Variants in KLF12 observed in about 807,000 individuals in gnomAD.
KLF12 encodes the protein KLF transcription factor 12.
In KLF12, 9 loss-of-function variants were observed where a neutral mutation model predicts 37.8. The observed-to-expected ratio is 0.24, with a 90% confidence interval of 0.14 to 0.42. The LOEUF is 0.42. KLF12 is among the 10% of genes least tolerant of loss of function. The pLI is 1.00. For synonymous variants in KLF12, 208 were observed against 202.1 expected (o/e 1.03, Z -0.25); for missense variants, 411 against 516.0 (o/e 0.80, Z 1.97).
intron 3 of KLF12, among the ~76,000 whole-genome samples, chr13:73,891,524 T>C (rs1887506407): frequency 6.6e-6 from 1 of 152,062 alleles, no homozygotes; most frequent in African/African-American, 2.4e-5. Flanking sequence ...GGTCCAGAAA[T>C]ACAGTTTTCA....
chr13:73,812,790 T>C (rs917751686), intron 5 of KLF12: 3 of 169,428 alleles, frequency 1.8e-5, no homozygotes, highest in African/African-American at 7.1e-5. Flanking sequence ...CAAAACAAGA[T>C]AACAATACTT....
At chr13:74,134,851 G>A (rs1017081338), upstream of KLF12, among the ~76,000 whole-genome samples, 1 of 151,988 alleles carries the variant, frequency 6.6e-6, no homozygotes, top group Non-Finnish European at 1.5e-5. Flanking sequence ...GCACCCGCCC[G>A]GGTGGGGGCG....
chr13:73,846,002 A>T lies in KLF12; in HGVS notation c.495T>A (p.His165Gln). 1.2e-6 allele frequency: 2 copies of T among 1,614,128 alleles called. No homozygotes were observed. Among genetic ancestry groups the T allele is most frequent in the South Asian group, 2.2e-5 (2 of 91,084 alleles). Reference sequence around the variant, plus strand: ...TCATGGGACTTGAAGGCGGTACGGGATGGATAATGTGCAAAAACTGCTGGC... The same window carrying T: ...TCATGGGACTTGAAGGCGGTACGGGTTGGATAATGTGCAAAAACTGCTGGC... The change falls in exon 4 of 8, where the codon CAT becomes CAA. Residue 165 changes from histidine to glutamine, a missense_variant. Physicochemically the swap from His to Gln is conservative, Grantham distance 24. Around this residue, in one of 2 missense-constraint regions of KLF12, gnomAD observed 351 missense variants for 397.8 expected, o/e 0.88. Coordinates refer to ENST00000377669, the MANE Select transcript of KLF12 (RefSeq NM_007249.5).
chr13:74,289,650 A>G, the KLF12 span, among the ~76,000 whole-genome samples: 1 of 152,210 alleles, frequency 6.6e-6, no homozygotes, highest in Non-Finnish European at 1.5e-5. Context: ...ATGTAAATAA[A>G]TTCCCCAAAC....
the KLF12 span, among the ~76,000 whole-genome samples, chr13:74,141,013 C>A: frequency 1.6e-4 from 24 of 151,836 alleles, no homozygotes; most frequent in Non-Finnish European, 2.8e-4. Context: ...TGCAGTGAGC[C>A]GAGATGGTGC....
intron 1 of KLF12, among the ~76,000 whole-genome samples, chr13:74,099,387 C>T (rs140206099): frequency 1.3e-5 from 2 of 152,226 alleles, no homozygotes; most frequent in Non-Finnish European, 2.9e-5. Flanking sequence ...CTTTGCCCTA[C>T]ATCAACCTTC....
chr13:74,185,657 A>G, the KLF12 span, among the ~76,000 whole-genome samples: 1 of 151,730 alleles, frequency 6.6e-6, no homozygotes, highest in South Asian at 2.1e-4. Context: ...TCTATTTTTT[A>G]TTTTCTTGAG....
the KLF12 span, among the ~76,000 whole-genome samples, chr13:74,203,342 G>T: frequency 6.6e-6 from 1 of 152,048 alleles, no homozygotes; most frequent in Non-Finnish European, 1.5e-5. Context: ...GATGCAAGAA[G>T]ATGATGGCAA....
At chr13:74,043,176 T>C (rs1028470710) in intron 1 of KLF12, among the ~76,000 whole-genome samples, 2 of 152,240 alleles carry the variant, frequency 1.3e-5, no homozygotes, top group African/African-American at 2.4e-5. Context: ...CTGCTGAAGC[T>C]TGCGTAAGTA....
intron 1 of KLF12, among the ~76,000 whole-genome samples, chr13:74,118,048 T>C (rs1877413420): frequency 6.6e-6 from 1 of 151,972 alleles, no homozygotes; most frequent in Non-Finnish European, 1.5e-5. Context: ...ATGGTAATTC[T>C]ACTAAGTGTC....
chr13:73,963,930 T>A (rs1346991256), intron 2 of KLF12, among the ~76,000 whole-genome samples: 1 of 152,200 alleles, frequency 6.6e-6, no homozygotes, highest in Non-Finnish European at 1.5e-5. Context: ...ATTGTGCCCC[T>A]CAATAACAGA....
At chr13:74,250,640 C>T in the KLF12 span, among the ~76,000 whole-genome samples, 7 of 152,082 alleles carry the variant, frequency 4.6e-5, no homozygotes, top group Non-Finnish European at 1.0e-4. Context: ...TGTGCTACAT[C>T]TGTCAGGCAC....
the KLF12 span, among the ~76,000 whole-genome samples, chr13:74,231,148 A>T: frequency 6.6e-6 from 1 of 152,096 alleles, no homozygotes; most frequent in Non-Finnish European, 1.5e-5. Flanking sequence ...GATCCTTATA[A>T]AAGTAAAGTC....
At position 73,886,081 on chromosome 13, in the gene KLF12, AGG is replaced by A. The variant is rs1213852059; in HGVS notation, c.124-39710_124-39709del. Among the ~76,000 whole-genome samples the A allele has an allele frequency of 2.6e-5, 4 of 152,250 alleles. No individual in the cohort carries two copies. In the East Asian group the frequency reaches 5.8e-4, roughly 22 times the overall value. On this transcript the variant is annotated intron_variant, in intron 3 of 7. Transcript: ENST00000377669. ...GAGGTCAGAATCAAGGGACATGACAAGGGCAGGTACATCACAAAGGCAGTTTC... is the reference window on the plus strand; with the variant it reads ...GAGGTCAGAATCAAGGGACATGACAAGCAGGTACATCACAAAGGCAGTTTC...
At chr13:74,265,119 G>T in the KLF12 span, among the ~76,000 whole-genome samples, 1 of 152,242 alleles carries the variant, frequency 6.6e-6, no homozygotes, top group Middle Eastern at 3.4e-3. Context: ...AAGGCCTTGA[G>T]AAATACTTAT....
the KLF12 span, chr13:74,257,902 A>G: frequency 3.3e-5 from 5 of 152,018 alleles, no homozygotes; most frequent in African/African-American, 1.2e-4. Context: ...GATATCAGCT[A>G]TTTCCTGTCT....
chr13:74,178,994 A>C, the KLF12 span, among the ~76,000 whole-genome samples: 3 of 152,250 alleles, frequency 2.0e-5, no homozygotes, highest in African/African-American at 2.4e-5. Flanking sequence ...AGTTATAGAC[A>C]CTATATGCAG....
intron 2 of KLF12, among the ~76,000 whole-genome samples, chr13:73,985,300 G>A (rs1891798974): frequency 6.6e-6 from 1 of 152,192 alleles, no homozygotes; most frequent in African/African-American, 2.4e-5. Context: ...GGGATGCTCT[G>A]TTTTGCAGCA....
chr13:74,121,444 G>C (rs1035803949), intron 1 of KLF12, among the ~76,000 whole-genome samples: 4 of 151,870 alleles, frequency 2.6e-5, no homozygotes, highest in African/African-American at 9.7e-5. Flanking sequence ...AAAAGCTAAT[G>C]ACCATTATCC....
Sources: gnomAD v4.1 joint callset for allele counts (sites outside exome capture counted in the v4.1 genomes callset) on GRCh38, gnomAD v4.1.1 for gene constraint, gnomAD v4.1.1 regional missense constraint, MANE v1.5 for transcripts, NCBI Gene and HGNC (gene_info 2026-07-23, HGNC 2026-07-21) for gene names.